Variants in PPARGC1A observed in about 807,000 individuals in gnomAD.
PPARGC1A encodes the protein PPARG coactivator 1 alpha.
PPARGC1A carries 25 observed loss-of-function variants against 88.7 expected under a neutral mutation model. The ratio of observed to expected loss-of-function variants is 0.28; its 90% CI spans 0.21 to 0.39. The LOEUF (loss-of-function observed/expected upper bound fraction) is 0.39, where lower values mean the gene tolerates loss of function less well. Ranked by LOEUF, PPARGC1A falls within the 10% of genes least tolerant of loss-of-function variation. PPARGC1A has a pLI of 1.00. For missense variants in PPARGC1A, 880 were observed against 968.7 expected (o/e 0.91, Z 1.22); for synonymous variants, 363 against 355.6 (o/e 1.02, Z -0.24).
At chr4:24,127,187 AT>A in the PPARGC1A span, among the ~76,000 whole-genome samples, 1 of 151,876 alleles carries the variant, frequency 6.6e-6, no homozygotes, top group Non-Finnish European at 1.5e-5. Flanking sequence ...TTTTGTTTTT[AT>A]TTTTCCCCCT....
the PPARGC1A span, among the ~76,000 whole-genome samples, chr4:24,416,375 T>C: frequency 6.6e-6 from 1 of 152,044 alleles, no homozygotes; most frequent in Non-Finnish European, 1.5e-5. Flanking sequence ...CTGTGCAAAA[T>C]GAATTTGCCA....
chr4:24,469,502 TATCTTA>T, the PPARGC1A span, among the ~76,000 whole-genome samples: 2 of 152,204 alleles, frequency 1.3e-5, no homozygotes, highest in African/African-American at 4.8e-5. Flanking sequence ...TTCTGTACTT[TATCTTA>T]AAGTTCATAC....
At chr4:24,236,856 C>A in the PPARGC1A span, among the ~76,000 whole-genome samples, 5 of 152,334 alleles carry the variant, frequency 3.3e-5, no homozygotes, top group South Asian at 1.0e-3. Context: ...TGTCTCAATA[C>A]TTTCAATGCA....
the PPARGC1A span, among the ~76,000 whole-genome samples, chr4:24,415,831 T>A: frequency 4.4e-4 from 67 of 152,248 alleles, no homozygotes; most frequent in Non-Finnish European, 9.3e-4. Flanking sequence ...TCACAAATAG[T>A]TTTTGGAGAA....
chr4:24,035,834 T>C, the PPARGC1A span, among the ~76,000 whole-genome samples: 1 of 152,226 alleles, frequency 6.6e-6, no homozygotes, highest in African/African-American at 2.4e-5. Context: ...TAAGTAAACA[T>C]TAGCATGGTT....
the PPARGC1A span, among the ~76,000 whole-genome samples, chr4:24,450,349 C>T: frequency 6.6e-6 from 1 of 152,142 alleles, no homozygotes; most frequent in Admixed American, 6.6e-5. Flanking sequence ...AACTCTTAAC[C>T]TCAGAAGGTG....
At chr4:24,124,965 A>T in the PPARGC1A span, among the ~76,000 whole-genome samples, 1 of 152,156 alleles carries the variant, frequency 6.6e-6, no homozygotes, top group Non-Finnish European at 1.5e-5. Context: ...CTCAGAGTAA[A>T]TACTTCACAC....
the PPARGC1A span, among the ~76,000 whole-genome samples, chr4:23,958,952 A>C: frequency 6.6e-6 from 1 of 151,820 alleles, no homozygotes; most frequent in African/African-American, 2.4e-5. Context: ...AATTTGGAAC[A>C]TATCCTAGAA....
At chr4:23,913,735 T>C in the PPARGC1A span, among the ~76,000 whole-genome samples, 1 of 152,146 alleles carries the variant, frequency 6.6e-6, no homozygotes, top group Non-Finnish European at 1.5e-5. Flanking sequence ...AGTTCTATAG[T>C]TAAGTAGAGG....
chr4:24,196,017 G>A, the PPARGC1A span, among the ~76,000 whole-genome samples: 3 of 152,338 alleles, frequency 2.0e-5, no homozygotes, highest in Non-Finnish European at 1.5e-5. Context: ...TCCAAAAGAG[G>A]CCATGGGGTT....
chr4:24,370,051 CTT>C, the PPARGC1A span, among the ~76,000 whole-genome samples: 2 of 152,212 alleles, frequency 1.3e-5, no homozygotes, highest in Non-Finnish European at 2.9e-5. Context: ...ACTTAAGACT[CTT>C]TTAACAAAGG....
chr4:24,195,310 C>T, the PPARGC1A span, among the ~76,000 whole-genome samples: 16 of 152,256 alleles, frequency 1.1e-4, no homozygotes, highest in Middle Eastern at 3.4e-3. Flanking sequence ...TCTAATAAAA[C>T]GCCTAGTAGG....
At position 23,799,261 on chromosome 4, in the gene PPARGC1A, C is replaced by T. The variant is rs950541352; in HGVS notation, c.2293+2469G>A. On this transcript the variant is annotated intron_variant, in intron 12 of 12. Transcript: ENST00000264867. ...GAGTTCCAAAGCTGATTCCTAGAGT[C>T]GATTCTTCCATTTTAAAACGACTTT... Among the ~76,000 whole-genome samples, 25 of 152,212 alleles carry T rather than the reference C, an allele frequency of 1.6e-4. No individual in the cohort carries two copies. In the East Asian group the frequency reaches 2.7e-3, roughly 16 times the overall value.
chr4:24,163,512 G>T, the PPARGC1A span, among the ~76,000 whole-genome samples: 3 of 152,156 alleles, frequency 2.0e-5, no homozygotes, highest in African/African-American at 7.2e-5. Context: ...AAAAAAATAT[G>T]CTGACCTTTC....
the PPARGC1A span, among the ~76,000 whole-genome samples, chr4:24,166,014 G>A: frequency 5.3e-5 from 8 of 152,182 alleles, no homozygotes; most frequent in Non-Finnish European, 1.2e-4. Flanking sequence ...CAAACAACTA[G>A]GCAAGTTGTG....
chr4:24,085,008 T>C, the PPARGC1A span, among the ~76,000 whole-genome samples: 2 of 152,188 alleles, frequency 1.3e-5, no homozygotes, highest in African/African-American at 4.8e-5. Context: ...TCATCACCAT[T>C]TACTCACTTG....
At chr4:24,076,936 A>G in the PPARGC1A span, among the ~76,000 whole-genome samples, 4 of 151,812 alleles carry the variant, frequency 2.6e-5, no homozygotes, top group African/African-American at 4.8e-5. Context: ...GTGTCATTAA[A>G]TTTTCTTTCT....
chr4:23,974,906 C>T, the PPARGC1A span, among the ~76,000 whole-genome samples: 4 of 149,528 alleles, frequency 2.7e-5, no homozygotes, highest in Non-Finnish European at 5.9e-5. Context: ...CCGCCCACCT[C>T]GGCCTCCCAA....
In PPARGC1A at chr4:23,844,859, TATGATATATATTATATAC is replaced by T. The variant is rs1426047541; in HGVS notation, c.235-13126_235-13109del. On this transcript the variant is annotated intron_variant, in intron 2 of 12. Coordinates refer to ENST00000264867, the MANE Select transcript of PPARGC1A (RefSeq NM_013261.5). ...ATATATGATATATATTATTATAATA[TATGATATATATTATATAC>T]ACACACACACACATACATACAGAAA... Among the ~76,000 whole-genome samples, 854 of 109,228 alleles carry T rather than the reference TATGATATATATTATATAC, an allele frequency of 7.8e-3. 32 individuals carry two copies. Among genetic ancestry groups the T allele is most frequent in the African/African-American group, 0.022 (640 of 29,174 alleles). The allele number at this position is 109,228 out of a possible 152,430, so 71.7% of individuals were successfully genotyped here. A position where few individuals can be genotyped will look rare whatever the true frequency, so the allele number is the denominator to read the frequency against.
Sources: gnomAD v4.1 joint callset for allele counts (sites outside exome capture counted in the v4.1 genomes callset) on GRCh38, gnomAD v4.1.1 for gene constraint, MANE v1.5 for transcripts, NCBI Gene and HGNC (gene_info 2026-07-23, HGNC 2026-07-21) for gene names.